MSTN: variants seen among roughly 807,000 people sequenced by gnomAD.
The protein encoded by MSTN is growth/differentiation factor 8.
In MSTN, 12 loss-of-function variants were observed where a neutral mutation model predicts 32.3. That is an observed-to-expected ratio of 0.37 (90% CI 0.24 to 0.60). The LOEUF (loss-of-function observed/expected upper bound fraction) is 0.60. MSTN is among the 20% of genes least tolerant of loss of function. The pLI is 0.67. For synonymous variants in MSTN, 168 were observed against 155.1 expected, an observed-to-expected ratio of 1.08 and a Z score of -0.62; for missense variants, 403 against 450.3, an observed-to-expected ratio of 0.89 and a Z score of 0.95.
intron 1 of MSTN, among the ~76,000 whole-genome samples, chr2:190,061,645 G>C (rs1164894863): frequency 6.6e-6 from 1 of 151,840 alleles, no homozygotes; most frequent in East Asian, 1.9e-4. Context: ...CTTCATTATT[G>C]TTCTTACTAA....
chr2:190,057,451 T>G lies in MSTN; in HGVS notation c.935A>C (p.Glu312Ala). The G allele has an allele frequency of 6.2e-7, 1 of 1,613,490 alleles. No homozygotes were observed. Among genetic ancestry groups the G allele is most frequent in the Non-Finnish European group, 8.5e-7 (1 of 1,179,572 alleles). ...KRYKANYCSGECEFVFLQKYP... is the reference protein window; with the variant it reads ...KRYKANYCSGACEFVFLQKYP... ...TTTTTGTAAAAATACAAATTCACACTCTCCAGAGCAGTAATTGGCCTTATA... is the reference window on the plus strand; with the variant it reads ...TTTTTGTAAAAATACAAATTCACACGCTCCAGAGCAGTAATTGGCCTTATA... Residue 312 changes from glutamate to alanine, a missense_variant, in exon 3 of 3, where the codon GAG becomes GCG. By Grantham distance (107) the Glu-to-Ala change is moderately radical. Coordinates refer to ENST00000260950, the MANE Select transcript of MSTN (RefSeq NM_005259.3).
rs772646099 is a variant in MSTN, at chr2:190,062,634, TTTC to T, written c.-41_-39del. ...AATATAATCTTTTTTCTTGTTCTTG[TTTC>T]TTCCTTTTACTTTTCTTTTGCTTTT... On this transcript the variant is annotated 5_prime_UTR_variant, in exon 1 of 3. Transcript: ENST00000260950. The T allele has an allele frequency of 8.3e-5, 132 of 1,594,700 alleles. No homozygotes were observed. In the African/African-American group the frequency reaches 1.6e-3, roughly 19 times the overall value.
rs930314905 is a variant in MSTN at position 190,060,226 on chromosome 2, C to G, written c.583G>C (p.Asp195His). ...RYTGIRSLKL[D>H]MNPGTGIWQS... is the part of the protein sequence containing the mutation. Reference sequence around the variant, plus strand: ...CAAATACCAGTGCCTGGGTTCATGTCAAGTTTCAGAGATCGGATTCCAGTA... The same window carrying G: ...CAAATACCAGTGCCTGGGTTCATGTGAAGTTTCAGAGATCGGATTCCAGTA... Residue 195 changes from aspartate (D) to histidine (H), a missense_variant, in exon 2 of 3, where the codon GAC becomes CAC. By Grantham distance (81) the Asp-to-His change is moderately conservative. Coordinates refer to ENST00000260950, the MANE Select transcript of MSTN (RefSeq NM_005259.3). The G allele has an allele frequency of 1.2e-6, 2 of 1,613,086 alleles. No homozygotes were observed. The highest frequency in any genetic ancestry group is 4.5e-5 in the East Asian group (2 of 44,852).
In MSTN at chr2:190,057,395, T is replaced by A. The variant is rs1335189462; in HGVS notation, c.991A>T (p.Asn331Tyr). The change falls in exon 3 of 3, where the codon AAC (asparagine) becomes TAC (tyrosine). Residue 331 changes from asparagine to tyrosine, a missense_variant. Asn to Tyr is a moderately radical substitution (Grantham distance 143). Coordinates refer to ENST00000260950, the MANE Select transcript of MSTN (RefSeq NM_005259.3). ...YPHTHLVHQA[N>Y]PRGSAGPCCT... The stretch of plus-strand genomic sequence containing the variant: ...CAAGGGCCTGCTGAACCTCTGGGGT[T>A]TGCTTGGTGTACCAGATGAGTATGA... 1.9e-6 allele frequency: 3 copies of A among 1,613,660 alleles called. No homozygotes were observed. In the African/African-American group the frequency reaches 4.0e-5, roughly 22 times the overall value.
Position 190,062,698 on chromosome 2 carries a change from T to C in MSTN, c.-102A>G, listed in dbSNP as rs1308146448. ...AAGCAAAATTTTAATGCATGTACAG[T>C]CTGAGAGACAACTTGCCACACCAGT... On this transcript the variant is annotated 5_prime_UTR_variant, in exon 1 of 3. Coordinates refer to ENST00000260950, the MANE Select transcript of MSTN (RefSeq NM_005259.3). The C allele has an allele frequency of 2.7e-6, 3 of 1,123,730 alleles. No individual in the cohort carries two copies. The highest frequency in any genetic ancestry group is 5.1e-5 in the East Asian group (2 of 39,244). The allele number at this position is 1,123,730 out of a possible 1,614,324, so 69.6% of individuals were successfully genotyped here.
At chr2:190,059,323 A>G (rs1477584947) in intron 2 of MSTN, among the ~76,000 whole-genome samples, 1 of 151,950 alleles carries the variant, frequency 6.6e-6, no homozygotes, top group African/African-American at 2.4e-5. Context: ...GTGATATATA[A>G]GGTATTGTCA....
intron 2 of MSTN, among the ~76,000 whole-genome samples, chr2:190,058,727 C>T (rs1333993595): frequency 6.6e-6 from 1 of 151,910 alleles, no homozygotes; most frequent in African/African-American, 2.4e-5. Context: ...AGCTGGAGGC[C>T]ATTATTCGAA....
chr2:190,061,869 A>G (rs1685605147), intron 1 of MSTN, among the ~76,000 whole-genome samples: 2 of 151,956 alleles, frequency 1.3e-5, no homozygotes, highest in Admixed American at 1.3e-4. Context: ...ACAACTAAAT[A>G]CAATTCTAAA....
chr2:190,058,867 T>C (rs1269116375), intron 2 of MSTN, among the ~76,000 whole-genome samples: 1 of 151,908 alleles, frequency 6.6e-6, no homozygotes, highest in African/African-American at 2.4e-5. Flanking sequence ...AAAAACTACA[T>C]ATTTGGTACA....
rs1386207092 is a variant in MSTN at position 190,062,648 on chromosome 2, T to C, written c.-52A>G. 1 of 1,580,032 alleles carries C rather than the reference T, an allele frequency of 6.3e-7. No individual in the cohort carries two copies. Among genetic ancestry groups the C allele is most frequent in the Non-Finnish European group, 8.6e-7 (1 of 1,162,036 alleles). Reference sequence around the variant, plus strand: ...TCTTGTTCTTGTTTCTTCCTTTTACTTTTCTTTTGCTTTTGAGTAATGCCA... The same window carrying C: ...TCTTGTTCTTGTTTCTTCCTTTTACCTTTCTTTTGCTTTTGAGTAATGCCA... On this transcript the variant is annotated 5_prime_UTR_variant, in exon 1 of 3. Transcript: ENST00000260950.
At position 190,060,329 on chromosome 2, in the gene MSTN, C is replaced by CAA; in HGVS notation, c.478_479dup (p.Leu160PhefsTer2). ...CTGTTGTAGGAGTCTCGACGGGTCT[C>CAA]AAATATATCCATAGTTGGGCCTTTA... On this transcript the variant is annotated frameshift_variant, in exon 2 of 3. Transcript: ENST00000260950. LOFTEE classifies it high-confidence loss of function. The CAA allele has an allele frequency of 6.2e-7, 1 of 1,612,806 alleles. No individual in the cohort carries two copies. The highest frequency in any genetic ancestry group is 8.5e-7 in the Non-Finnish European group (1 of 1,179,178).
At chr2:190,057,743 C>T (rs554144181) in intron 2 of MSTN, 105 bp from the exon 3 acceptor site, 2 of 1,228,468 alleles carry the variant, frequency 1.6e-6, no homozygotes, top group East Asian at 2.4e-5. Context: ...TAATTTTGCT[C>T]ATACCACATT....
chr2:190,056,902 A>C lies in MSTN; in HGVS notation c.*356T>G, dbSNP rs534202566. ...TATGTGGATTTTTCTGTAAATATTA[A>C]ACAAAACTTTAAAGAAATAGACTTT... On this transcript the variant is annotated 3_prime_UTR_variant, in exon 3 of 3. Coordinates refer to ENST00000260950, the MANE Select transcript of MSTN (RefSeq NM_005259.3). The C allele has an allele frequency of 6.5e-5, 15 of 229,466 alleles. No individual in the cohort carries two copies. The highest frequency in any genetic ancestry group is 3.2e-4 in the African/African-American group (14 of 43,436). The allele number at this position is 229,466 out of a possible 1,614,324, so 14.2% of individuals were successfully genotyped here.
In MSTN at chr2:190,056,869, C is replaced by A; in HGVS notation, c.*389G>T. On this transcript the variant is annotated 3_prime_UTR_variant, in exon 3 of 3. Coordinates refer to ENST00000260950, the MANE Select transcript of MSTN (RefSeq NM_005259.3). ...GGTATATAACAATCCTGCATTTTAC[C>A]AATACTGTATGTGGATTTTTCTGTA... 1 of 214,288 alleles carries A rather than the reference C, an allele frequency of 4.7e-6. No homozygotes were observed. The highest frequency in any genetic ancestry group is 9.5e-6 in the Non-Finnish European group (1 of 105,376). The allele number at this position is 214,288 out of a possible 1,614,324, so 13.3% of individuals were successfully genotyped here.
chr2:190,057,268 C>A lies in MSTN; in HGVS notation c.1118G>T (p.Gly373Val). The A allele has an allele frequency of 6.2e-7, 1 of 1,613,132 alleles. No homozygotes were observed. Among genetic ancestry groups the A allele is most frequent in the Non-Finnish European group, 8.5e-7 (1 of 1,179,366 alleles). The change falls in exon 3 of 3, where the codon GGG becomes GTG. Residue 373 changes from glycine to valine, a missense_variant. By Grantham distance (109) the Gly-to-Val change is moderately radical. Transcript: ENST00000260950. The stretch of plus-strand genomic sequence containing the variant: ...CGCTTAATATAAATCTCATGAGCAC[C>A]CACAGCGGTCTACTACCATCGCTGG... Reference protein sequence around the residue: ...KIPAMVVDRCGCS With the variant: ...KIPAMVVDRCVCS
Position 190,062,285 on chromosome 2 carries a change from G to A in MSTN, c.312C>T (p.Gly104=), listed in dbSNP as rs557193197. The change falls in exon 1 of 3, where the codon GGC becomes GGT. Residue 104 remains glycine (G), a synonymous_variant. Coordinates refer to ENST00000260950, the MANE Select transcript of MSTN (RefSeq NM_005259.3). Reference sequence around the variant, plus strand: ...CGTGATAATCGTCATCTTCCAAAGAGCCATCGCTGCTGTCATCCCTCTGGA... The same window carrying A: ...CGTGATAATCGTCATCTTCCAAAGAACCATCGCTGCTGTCATCCCTCTGGA... ...YDVQRDDSSD[G]SLEDDDYHAT... 2.1e-5 allele frequency: 34 copies of A among 1,613,176 alleles called. No individual in the cohort carries two copies. In the African/African-American group the frequency reaches 4.1e-4, roughly 20 times the overall value.
Position 190,057,271 on chromosome 2 carries a change from C to T in MSTN, c.1115G>A (p.Cys372Tyr). ...TTAATATAAATCTCATGAGCACCCA[C>T]AGCGGTCTACTACCATCGCTGGAAT... ...GKIPAMVVDR[C>Y]GCS The change falls in exon 3 of 3, where the codon TGT becomes TAT. Residue 372 changes from cysteine (C) to tyrosine (Y), a missense_variant. By Grantham distance (194) the Cys-to-Tyr change is radical (BLOSUM62 -2). Transcript: ENST00000260950. The T allele has an allele frequency of 1.2e-6, 2 of 1,613,266 alleles. No individual in the cohort carries two copies. Among genetic ancestry groups the T allele is most frequent in the Non-Finnish European group, 1.7e-6 (2 of 1,179,416 alleles).
chr2:190,059,759 G>A lies in MSTN; in HGVS notation c.747+303C>T, dbSNP rs530230572. 1.4e-4 allele frequency among the ~76,000 whole-genome samples: 22 copies of A among 151,992 alleles called. 1 individual carries two copies. In the South Asian group the frequency reaches 4.2e-3, roughly 29 times the overall value. On this transcript the variant is annotated intron_variant, in intron 2 of 2. Transcript: ENST00000260950. ...TTAATATTTTAATACATACAGTCAT[G>A]TATCATATTAATGAAAAGCACTTTA...
intron 2 of MSTN, among the ~76,000 whole-genome samples, chr2:190,059,101 C>T (rs1044502040): frequency 4.6e-5 from 7 of 151,164 alleles, no homozygotes; most frequent in African/African-American, 1.7e-4. Flanking sequence ...ATCTGATCTG[C>T]TAATTATATC....
Sources: allele counts gnomAD v4.1 joint callset (sites outside exome capture counted in the v4.1 genomes callset), GRCh38; gene constraint gnomAD v4.1.1; transcripts MANE v1.5; gene names NCBI Gene and HGNC (gene_info 2026-07-23, HGNC 2026-07-21).